Variants in FAM81A observed in about 807,000 individuals in gnomAD.
FAM81A encodes family with sequence similarity 81 member A.
FAM81A carries 19 observed loss-of-function variants against 46.7 expected under a neutral mutation model. The observed-to-expected ratio is 0.41, with a 90% CI of 0.28 to 0.60. The LOEUF (loss-of-function observed/expected upper bound fraction) is 0.60. Ranked by LOEUF, FAM81A falls within the 20% of genes least tolerant of loss-of-function variation. The pLI is 0.34. For missense variants in FAM81A, 377 were observed against 453.5 expected (o/e 0.83, Z 1.53); for synonymous variants, 183 against 152.9 (o/e 1.20, Z -1.45).
intron 4 of FAM81A, among the ~76,000 whole-genome samples, chr15:59,495,425 G>T (rs1231170168): frequency 1.3e-5 from 2 of 152,202 alleles, no homozygotes; most frequent in African/African-American, 2.4e-5. Context: ...TTCATCAGTT[G>T]AACGTTGGGG....
intron 2 of FAM81A, among the ~76,000 whole-genome samples, chr15:59,425,132 G>C (rs2081189681): frequency 6.6e-6 from 1 of 152,058 alleles, no homozygotes; most frequent in African/African-American, 2.4e-5. Context: ...AGATCCTCCT[G>C]CCTCAACCTC....
chr15:59,514,781 G>C (rs1225528588), intron 7 of FAM81A, among the ~76,000 whole-genome samples: 1 of 152,026 alleles, frequency 6.6e-6, no homozygotes, highest in East Asian at 1.9e-4. Context: ...TTTTTTGCCT[G>C]GTGTTGAATA....
At chr15:59,456,898 G>C (rs1249922172) in intron 1 of FAM81A, among the ~76,000 whole-genome samples, 1 of 152,138 alleles carries the variant, frequency 6.6e-6, no homozygotes, top group East Asian at 1.9e-4. Flanking sequence ...TTTCTGGTTG[G>C]TTTAGATGAC....
intron 3 of FAM81A, among the ~76,000 whole-genome samples, chr15:59,471,737 C>T (rs1175446912): frequency 1.3e-5 from 2 of 151,762 alleles, no homozygotes; most frequent in African/African-American, 4.8e-5. Flanking sequence ...TGTACCTGGT[C>T]TCCTTTTTTT....
intron 4 of FAM81A, among the ~76,000 whole-genome samples, chr15:59,495,654 C>T (rs769525913): frequency 2.6e-5 from 4 of 152,294 alleles, no homozygotes; most frequent in South Asian, 4.1e-4. Context: ...CTGAGGGCTC[C>T]GATTCCTTCA....
chr15:59,513,480 C>T (rs773346474), intron 6 of FAM81A, among the ~76,000 whole-genome samples: 5 of 152,176 alleles, frequency 3.3e-5, no homozygotes, highest in Non-Finnish European at 7.4e-5. Context: ...GCCTGTGCCG[C>T]GTACTCCTCG....
At chr15:59,406,760 A>G (rs1210953340) in intron 2 of FAM81A, among the ~76,000 whole-genome samples, 1 of 152,126 alleles carries the variant, frequency 6.6e-6, no homozygotes, top group Non-Finnish European at 1.5e-5. Flanking sequence ...CTTTTACTAC[A>G]AGCTGCATTT....
intron 1 of FAM81A, among the ~76,000 whole-genome samples, chr15:59,455,518 TC>T (rs1178919352): frequency 5.9e-5 from 9 of 152,226 alleles, no homozygotes; most frequent in African/African-American, 2.2e-4. Flanking sequence ...TTATTCATTA[TC>T]AATCTTTATT....
chr15:59,515,425 A>G (rs1018299562), intron 7 of FAM81A, among the ~76,000 whole-genome samples: 12 of 152,108 alleles, frequency 7.9e-5, no homozygotes, highest in Middle Eastern at 3.2e-3. Context: ...TGACTGGTGC[A>G]GTACATCTCT....
At chr15:59,490,108 A>G (rs2081965945) in intron 3 of FAM81A, among the ~76,000 whole-genome samples, 1 of 152,074 alleles carries the variant, frequency 6.6e-6, no homozygotes, top group African/African-American at 2.4e-5. Context: ...TGAACCAAAA[A>G]TAAAAGTTGA....
At chr15:59,421,759 C>A (rs1464745825) in intron 2 of FAM81A, among the ~76,000 whole-genome samples, 1 of 151,152 alleles carries the variant, frequency 6.6e-6, no homozygotes, top group African/African-American at 2.4e-5. Context: ...ATCTATCTAT[C>A]TATCTATCTA....
intron 4 of FAM81A, 144 bp from the exon 5 acceptor site, chr15:59,507,069 G>A (rs2082156672): frequency 3.7e-6 from 4 of 1,074,184 alleles, no homozygotes; most frequent in South Asian, 3.4e-5. Context: ...GCCAGCTCTT[G>A]GAATTCATTT....
chr15:59,402,692 C>T (rs1192278185), intron 2 of FAM81A, among the ~76,000 whole-genome samples: 1 of 129,880 alleles, frequency 7.7e-6, no homozygotes, highest in Non-Finnish European at 1.5e-5. Context: ...AAGCATGTCC[C>T]AACAAGCCTG....
chr15:59,507,109 T>C (rs1450312814), intron 4 of FAM81A, 104 bp from the exon 5 acceptor site: 1 of 1,383,082 alleles, frequency 7.2e-7, no homozygotes, highest in East Asian at 2.5e-5. Context: ...TGATGGATAG[T>C]GCACTTTCTT....
chr15:59,469,051 T>A (rs2141671718), intron 3 of FAM81A, among the ~76,000 whole-genome samples: 1 of 152,368 alleles, frequency 6.6e-6, no homozygotes, highest in East Asian at 1.9e-4. Flanking sequence ...GAGTTCTGAT[T>A]TGATTGCACT....
At chr15:59,508,794 C>G (rs2141821499) in intron 5 of FAM81A, 69 bp from the exon 6 acceptor site, 1 of 1,127,574 alleles carries the variant, frequency 8.9e-7, no homozygotes, top group African/African-American at 1.6e-5. Flanking sequence ...ATATGGCTTA[C>G]TAAATGTTTT....
At chr15:59,521,165 C>T in intron 8 of FAM81A, 89 bp from the exon 9 acceptor site, 1 of 1,401,480 alleles carries the variant, frequency 7.1e-7, no homozygotes, top group East Asian at 2.5e-5. Flanking sequence ...ATAATTTTTG[C>T]CTGAATCAAC....
At chr15:59,415,712 T>TA (rs2081144002) in intron 2 of FAM81A, among the ~76,000 whole-genome samples, 1 of 152,240 alleles carries the variant, frequency 6.6e-6, no homozygotes, top group Admixed American at 6.5e-5. Flanking sequence ...ATAATAAGTT[T>TA]GTGCTGCTTT....
At chr15:59,402,778 T>C (rs538080765) in intron 2 of FAM81A, among the ~76,000 whole-genome samples, 2 of 152,238 alleles carry the variant, frequency 1.3e-5, no homozygotes, top group East Asian at 1.9e-4. Flanking sequence ...GGTCTCGAAC[T>C]CCTGGCCTCA....
Sources: gnomAD v4.1 joint callset for allele counts (sites outside exome capture counted in the v4.1 genomes callset) on GRCh38, gnomAD v4.1.1 for gene constraint, MANE v1.5 for transcripts, NCBI Gene and HGNC (gene_info 2026-07-23, HGNC 2026-07-21) for gene names.